The following DNAH9 variants were observed in gnomAD, a reference collection of about 807,000 sequenced individuals.
DNAH9 encodes DNAH9 variant protein.
Under a neutral mutation model 471.6 loss-of-function variants are expected in DNAH9, and 345 were observed. That is an observed-to-expected ratio of 0.73 (90% CI 0.67 to 0.80). DNAH9 has a LOEUF of 0.80. Ranked by LOEUF, DNAH9 falls within the 30% of genes least tolerant of loss-of-function variation. The pLI is 0.00. For synonymous variants in DNAH9, 2,093 were observed against 2,123.6 expected (o/e 0.99, Z 0.40); for missense variants, 5,407 against 5,609.2 (o/e 0.96, Z 1.15).
At chr17:11,958,352 T>C (rs1176110698) in intron 67 of DNAH9, among the ~76,000 whole-genome samples, 2 of 152,214 alleles carry the variant, frequency 1.3e-5, no homozygotes, top group Admixed American at 6.5e-5. Flanking sequence ...ACTTGTCATA[T>C]ACTATAATGA....
chr17:11,650,965 C>A, intron 12 of DNAH9, 104 bp from the exon 13 acceptor site: 1 of 1,240,620 alleles, frequency 8.1e-7, no homozygotes, highest in Non-Finnish European at 1.1e-6. Flanking sequence ...AAGAAAAGAC[C>A]CAGAAGATCT....
intron 41 of DNAH9, among the ~76,000 whole-genome samples, chr17:11,785,010 A>G (rs1968812446): frequency 6.6e-6 from 1 of 152,176 alleles, no homozygotes; most frequent in South Asian, 2.1e-4. Context: ...GCCATCTGCC[A>G]GCCTCTAAGA....
At chr17:11,807,058 T>A (rs906214479) in intron 43 of DNAH9, among the ~76,000 whole-genome samples, 2 of 152,018 alleles carry the variant, frequency 1.3e-5, no homozygotes, top group Admixed American at 1.3e-4. Flanking sequence ...GAGAGGAATA[T>A]GGGCACTGAG....
intron 41 of DNAH9, among the ~76,000 whole-genome samples, chr17:11,785,110 C>A (rs1479362655): frequency 6.6e-6 from 1 of 152,076 alleles, no homozygotes; most frequent in African/African-American, 2.4e-5. Context: ...GATGGCGTAT[C>A]TCTGCCTATT....
At chr17:11,855,013 C>G (rs746709155) in intron 50 of DNAH9, among the ~76,000 whole-genome samples, 1 of 152,114 alleles carries the variant, frequency 6.6e-6, no homozygotes, top group Non-Finnish European at 1.5e-5. Context: ...GGATTCACAC[C>G]TATTTGGGAG....
intron 67 of DNAH9, among the ~76,000 whole-genome samples, chr17:11,948,277 G>A (rs868260320): frequency 1.8e-4 from 25 of 139,324 alleles, no homozygotes; most frequent in Middle Eastern, 3.9e-3. Flanking sequence ...TTGCCAGGCT[G>A]GAGTGCAGTG....
At chr17:11,669,037 T>C (rs757242995) in intron 15 of DNAH9, 27 bp from the exon 16 acceptor site, 10 of 1,536,648 alleles carry the variant, frequency 6.5e-6, no homozygotes, top group East Asian at 4.5e-5. Context: ...CTCTTTGTTT[T>C]GTTTGCTTGT....
At chr17:11,684,147 G>A (rs1033151757) in intron 19 of DNAH9, among the ~76,000 whole-genome samples, 4 of 151,974 alleles carry the variant, frequency 2.6e-5, no homozygotes, top group African/African-American at 9.7e-5. Context: ...AATTTCTAAA[G>A]TGCAGACCCT....
At position 11,869,096 on chromosome 17, in the gene DNAH9, C is replaced by T. The variant is rs180928982; in HGVS notation, c.9934-38C>T. On this transcript the variant is annotated intron_variant, in intron 50 of 68. Transcript: ENST00000262442. ...AATGAGCACTGGTAGTTACATGGGC[C>T]GAAATGACTGATGGTCCTTGTATTC... The T allele has an allele frequency of 3.1e-4, 503 of 1,605,808 alleles. 1 individual carries two copies. In the South Asian group the frequency reaches 3.4e-3, roughly 11 times the overall value.
intron 14 of DNAH9, among the ~76,000 whole-genome samples, chr17:11,657,069 A>G (rs145958293): frequency 1.3e-5 from 2 of 152,260 alleles, no homozygotes; most frequent in Middle Eastern, 3.4e-3. Context: ...TTCCATGGAC[A>G]TATGTTTTCA....
At chr17:11,846,415 A>G (rs1044619759) in intron 49 of DNAH9, among the ~76,000 whole-genome samples, 3 of 151,640 alleles carry the variant, frequency 2.0e-5, no homozygotes, top group South Asian at 2.1e-4. Flanking sequence ...GCCTTGTAAT[A>G]TAGTTTGAAG....
intron 66 of DNAH9, among the ~76,000 whole-genome samples, chr17:11,938,453 C>T (rs1308429037): frequency 2.6e-5 from 2 of 76,672 alleles, no homozygotes; most frequent in African/African-American, 1.0e-4. Flanking sequence ...GCAAGACTGT[C>T]TCCAAAAAAA....
chr17:11,884,245 C>A lies in DNAH9; in HGVS notation c.10971+495C>A, dbSNP rs557097801. 100 of 179,388 alleles carry A rather than the reference C, an allele frequency of 5.6e-4. 1 individual carries two copies. In the South Asian group the frequency reaches 7.8e-3, roughly 14 times the overall value. 11.1% of individuals were successfully genotyped at this position (179,388 alleles called of 1,614,324 possible). ...ACTCAGCTCTCAAAAACTGTATCATCCTGGGAAGTGATGACACAGTGCCCT... is the reference window on the plus strand; with the variant it reads ...ACTCAGCTCTCAAAAACTGTATCATACTGGGAAGTGATGACACAGTGCCCT... On this transcript the variant is annotated intron_variant, in intron 56 of 68. Transcript: ENST00000262442.
intron 32 of DNAH9, 127 bp downstream of exon 32, chr17:11,747,893 A>G: frequency 1.2e-6 from 1 of 846,788 alleles, no homozygotes; most frequent in Non-Finnish European, 1.8e-6. Context: ...GCGGAGGGAG[A>G]CAAAAAAGCC....
At chr17:11,635,065 G>A (rs1185727457) in intron 8 of DNAH9, among the ~76,000 whole-genome samples, 1 of 152,036 alleles carries the variant, frequency 6.6e-6, no homozygotes, top group African/African-American at 2.4e-5. Flanking sequence ...TTAAAGCAAG[G>A]GTTCCACATT....
intron 56 of DNAH9, among the ~76,000 whole-genome samples, chr17:11,885,270 A>G (rs564387058): frequency 1.1e-4 from 16 of 152,318 alleles, no homozygotes; most frequent in African/African-American, 3.1e-4. Context: ...CACTCAACCC[A>G]CATTGGGTGA....
chr17:11,868,127 A>G (rs1390979277), intron 50 of DNAH9, among the ~76,000 whole-genome samples: 1 of 152,136 alleles, frequency 6.6e-6, no homozygotes, highest in Non-Finnish European at 1.5e-5. Flanking sequence ...GCCCTCACCA[A>G]TTTGCTTGGT....
intron 3 of DNAH9, among the ~76,000 whole-genome samples, chr17:11,611,258 G>A (rs1031544218): frequency 1.3e-5 from 2 of 152,224 alleles, no homozygotes; most frequent in African/African-American, 2.4e-5. Context: ...GTACCACCCT[G>A]CTGAGATGCC....
intron 9 of DNAH9, among the ~76,000 whole-genome samples, chr17:11,639,171 A>G (rs1478860154): frequency 2.6e-5 from 4 of 152,154 alleles, no homozygotes; most frequent in Non-Finnish European, 5.9e-5. Flanking sequence ...CTTAAAGGGG[A>G]GAGGATTATG....
Sources: gnomAD v4.1 joint callset for allele counts (sites outside exome capture counted in the v4.1 genomes callset) on GRCh38, gnomAD v4.1.1 for gene constraint, MANE v1.5 for transcripts, NCBI Gene and HGNC (gene_info 2026-07-23, HGNC 2026-07-21) for gene names.